CSMD1: variants seen among roughly 807,000 people sequenced by gnomAD.
The protein encoded by CSMD1 is CUB and sushi domain-containing protein 1.
Under a neutral mutation model 417.5 loss-of-function variants are expected in CSMD1, and 213 were observed. The ratio of observed to expected loss-of-function variants is 0.51; its 90% CI spans 0.46 to 0.57. CSMD1 has a LOEUF of 0.57. Among genes scored for constraint, CSMD1 ranks in the 20% least tolerant of loss-of-function variants. The pLI is 0.00. For missense variants in CSMD1, 6,923 were observed against 4,529.7 expected, an observed-to-expected ratio of 1.53 and a Z score of -15.17; for synonymous variants, 2,862 against 1,736.8, an observed-to-expected ratio of 1.65 and a Z score of -16.11.
chr8:4,780,189 G>A (rs1359721564), intron 1 of CSMD1, among the ~76,000 whole-genome samples: 1 of 152,200 alleles, frequency 6.6e-6, no homozygotes, highest in Non-Finnish European at 1.5e-5. Context: ...GTGCGCCTAT[G>A]ATAGGGGATT....
intron 2 of CSMD1, among the ~76,000 whole-genome samples, chr8:4,508,287 A>G (rs887731024): frequency 6.6e-6 from 1 of 151,744 alleles, no homozygotes; most frequent in Non-Finnish European, 1.5e-5. Flanking sequence ...GATGCATTGG[A>G]GTGATATAAA....
At chr8:4,936,988 A>G (rs1807663792) in intron 1 of CSMD1, among the ~76,000 whole-genome samples, 1 of 152,146 alleles carries the variant, frequency 6.6e-6, no homozygotes, top group African/African-American at 2.4e-5. Flanking sequence ...AGGCTGGAGG[A>G]TACCTTGAGG....
Position 4,599,881 on chromosome 8 carries a change from A to T in CSMD1, c.302+37461T>A, listed in dbSNP as rs139728086. Among the ~76,000 whole-genome samples the T allele has an allele frequency of 2.6e-5, 4 of 152,336 alleles. No individual in the cohort carries two copies. The South Asian group carries it at 6.2e-4, about 24-fold the overall frequency. ...GAGACAATTAAAGTTACATTCAAAGAGTTTTTTGTAAACTGCTCAAAGTAG... is the reference window on the plus strand; with the variant it reads ...GAGACAATTAAAGTTACATTCAAAGTGTTTTTTGTAAACTGCTCAAAGTAG... On this transcript the variant is annotated intron_variant, in intron 2 of 69. Coordinates refer to ENST00000635120, the MANE Select transcript of CSMD1 (RefSeq NM_033225.6).
chr8:4,400,011 C>T (rs1404896017), intron 3 of CSMD1, among the ~76,000 whole-genome samples: 2 of 152,058 alleles, frequency 1.3e-5, no homozygotes, highest in African/African-American at 4.8e-5. Flanking sequence ...AATTCCCACA[C>T]CATCTAGTGG....
intron 1 of CSMD1, among the ~76,000 whole-genome samples, chr8:4,930,659 A>C (rs1174437777): frequency 6.6e-6 from 1 of 152,176 alleles, no homozygotes; most frequent in Non-Finnish European, 1.5e-5. Flanking sequence ...CAGAAACATT[A>C]ATATTTCCTA....
intron 3 of CSMD1, among the ~76,000 whole-genome samples, chr8:4,065,225 C>G (rs1799183106): frequency 1.3e-5 from 2 of 152,114 alleles, no homozygotes; most frequent in Admixed American, 6.5e-5. Flanking sequence ...TAGTCCTAAA[C>G]ACATAAACAA....
chr8:4,180,757 C>G (rs1206099086), intron 3 of CSMD1, among the ~76,000 whole-genome samples: 2 of 152,118 alleles, frequency 1.3e-5, no homozygotes, highest in Non-Finnish European at 2.9e-5. Context: ...AGAATTCCTT[C>G]TTATCTAACA....
At chr8:4,403,547 C>T (rs1311679688) in intron 3 of CSMD1, among the ~76,000 whole-genome samples, 3 of 152,182 alleles carry the variant, frequency 2.0e-5, no homozygotes, top group African/African-American at 7.2e-5. Flanking sequence ...CAGGGCTGAT[C>T]ACCTCTTCCT....
At chr8:3,276,819 G>A (rs545778132) in intron 26 of CSMD1, among the ~76,000 whole-genome samples, 16 of 152,114 alleles carry the variant, frequency 1.1e-4, no homozygotes, top group East Asian at 3.9e-4. Context: ...AAATTTTCAC[G>A]CATATCTAAT....
intron 5 of CSMD1, among the ~76,000 whole-genome samples, chr8:3,932,500 G>A (rs1045686534): frequency 1.3e-5 from 2 of 150,438 alleles, no homozygotes; most frequent in African/African-American, 4.9e-5. Context: ...TAAGTCTAGG[G>A]AAAGCAGCAG....
intron 12 of CSMD1, among the ~76,000 whole-genome samples, chr8:3,438,863 C>A (rs974741869): frequency 6.6e-6 from 1 of 151,612 alleles, no homozygotes; most frequent in African/African-American, 2.4e-5. Flanking sequence ...CACCTGTAAT[C>A]CCAGCACTTT....
intron 26 of CSMD1, among the ~76,000 whole-genome samples, chr8:3,271,116 C>A (rs1273772072): frequency 3.1e-5 from 4 of 130,096 alleles, no homozygotes; most frequent in African/African-American, 8.7e-5. Flanking sequence ...GTGTGATGTT[C>A]CCCTTCCTGT....
intron 3 of CSMD1, among the ~76,000 whole-genome samples, chr8:4,065,918 GA>G (rs1799222404): frequency 6.6e-6 from 1 of 152,098 alleles, no homozygotes; most frequent in Non-Finnish European, 1.5e-5. Flanking sequence ...GTGGCCCAGG[GA>G]AAAATGAGAG....
chr8:4,402,423 G>C lies in CSMD1; in HGVS notation c.415+17530C>G, dbSNP rs141963264. Among the ~76,000 whole-genome samples the C allele has an allele frequency of 3.3e-5, 5 of 152,116 alleles. No individual in the cohort carries two copies. In the East Asian group the frequency reaches 9.7e-4, roughly 29 times the overall value. ...CTAGCCTTATTACTGCTGCGTTCCTGCAGCTGAGAGTGACTGGAAGATAGC... is the reference window on the plus strand; with the variant it reads ...CTAGCCTTATTACTGCTGCGTTCCTCCAGCTGAGAGTGACTGGAAGATAGC... On this transcript the variant is annotated intron_variant, in intron 3 of 69. Coordinates refer to ENST00000635120, the MANE Select transcript of CSMD1 (RefSeq NM_033225.6).
intron 2 of CSMD1, among the ~76,000 whole-genome samples, chr8:4,560,741 T>C (rs1046405631): frequency 7.2e-5 from 11 of 152,212 alleles, no homozygotes; most frequent in Non-Finnish European, 1.5e-4. Flanking sequence ...TCGGTTCCCA[T>C]CTTTCCTTCC....
At chr8:3,315,664 C>G (rs1383429244) in intron 23 of CSMD1, among the ~76,000 whole-genome samples, 2 of 148,836 alleles carry the variant, frequency 1.3e-5, no homozygotes, top group African/African-American at 2.4e-5. Context: ...ATAGCAATAG[C>G]AAACAGGTTG....
At chr8:3,481,104 C>A (rs931518650) in intron 11 of CSMD1, among the ~76,000 whole-genome samples, 22 of 146,844 alleles carry the variant, frequency 1.5e-4, no homozygotes, top group African/African-American at 5.0e-4. Context: ...TGCAGTGAGC[C>A]CAGATTAGCC....
Position 4,930,453 on chromosome 8 carries a change from C to G in CSMD1, c.85+63879G>C, listed in dbSNP as rs181772239. ...GGCGCTTAAAGAGAAATTTGACATA[C>G]TGTTAGCTTATTAGTTTACTCAGCA... On this transcript the variant is annotated intron_variant, in intron 1 of 69. Transcript: ENST00000635120. 2.4e-3 allele frequency among the ~76,000 whole-genome samples: 363 copies of G among 149,352 alleles called. 1 individual carries two copies. The highest frequency in any genetic ancestry group is 6.8e-3 in the Middle Eastern group (2 of 294).
intron 3 of CSMD1, among the ~76,000 whole-genome samples, chr8:4,227,032 G>A (rs913456700): frequency 6.6e-6 from 1 of 152,086 alleles, no homozygotes; most frequent in Non-Finnish European, 1.5e-5. Flanking sequence ...GGTGAGATGG[G>A]TCTGTATCAA....
Sources: gnomAD v4.1 joint callset for allele counts (sites outside exome capture counted in the v4.1 genomes callset) on GRCh38, gnomAD v4.1.1 for gene constraint, MANE v1.5 for transcripts, NCBI Gene and HGNC (gene_info 2026-07-23, HGNC 2026-07-21) for gene names.